EPHB1: variants seen among roughly 807,000 people sequenced by gnomAD.
The protein encoded by EPHB1 is EPH receptor B1.
In EPHB1, 30 loss-of-function variants were observed where a neutral mutation model predicts 94.4. The observed-to-expected ratio is 0.32, with a 90% CI of 0.24 to 0.43. The LOEUF is 0.43. EPHB1 is among the 20% of genes least tolerant of loss of function. The probability of loss-of-function intolerance (pLI) is 1.00; values close to 1 mark genes in which losing one functional copy is unlikely to be tolerated. For synonymous variants in EPHB1, 522 were observed against 489.1 expected (o/e 1.07, Z -0.89); for missense variants, 1,055 against 1,308.3 (o/e 0.81, Z 2.99).
At chr3:134,985,724 A>C (rs1246155904) in intron 3 of EPHB1, among the ~76,000 whole-genome samples, 2 of 152,082 alleles carry the variant, frequency 1.3e-5, no homozygotes, top group African/African-American at 4.8e-5. Flanking sequence ...ACCCTCACTA[A>C]ATATTAGCTA....
intron 3 of EPHB1, among the ~76,000 whole-genome samples, chr3:135,006,772 T>C (rs1019411112): frequency 3.3e-5 from 5 of 152,204 alleles, no homozygotes; most frequent in African/African-American, 1.2e-4. Context: ...GAAATGGGGT[T>C]ACAAAGTGGG....
intron 10 of EPHB1, among the ~76,000 whole-genome samples, chr3:135,183,016 TTTTCTTTTCTTTTCTTTCTTTCTTTC>T (rs1446504649): frequency 1.5e-4 from 11 of 74,568 alleles, no homozygotes; most frequent in African/African-American, 2.9e-4. Context: ...TTTTCTTTTC[TTTTCTTTTCTTTTCTTTCTTTCTTTC>T]TTTCTTTCTT....
chr3:134,956,442 A>G (rs1028860905), intron 3 of EPHB1, among the ~76,000 whole-genome samples: 24 of 152,076 alleles, frequency 1.6e-4, no homozygotes, highest in Non-Finnish European at 2.8e-4. Context: ...TCTCCCTGCC[A>G]TCCTCTCTTG....
intron 1 of EPHB1, among the ~76,000 whole-genome samples, chr3:134,876,697 G>A (rs995630421): frequency 8.5e-5 from 13 of 152,194 alleles, no homozygotes; most frequent in Admixed American, 5.9e-4. Flanking sequence ...GGTGATAGGT[G>A]AGGATGGCGC....
At chr3:135,035,010 A>G (rs1936602541) in intron 3 of EPHB1, among the ~76,000 whole-genome samples, 1 of 152,200 alleles carries the variant, frequency 6.6e-6, no homozygotes, top group South Asian at 2.1e-4. Flanking sequence ...CTCACATGCT[A>G]CCCAGGCTGG....
intron 2 of EPHB1, among the ~76,000 whole-genome samples, chr3:134,928,402 C>T (rs1049318509): frequency 2.6e-5 from 4 of 152,204 alleles, no homozygotes; most frequent in Admixed American, 6.5e-5. Flanking sequence ...TCTAGCCCCC[C>T]TTCAGCCATA....
chr3:134,840,368 G>A (rs987642877), intron 1 of EPHB1: 1 of 152,130 alleles, frequency 6.6e-6, no homozygotes, highest in Non-Finnish European at 1.5e-5. Flanking sequence ...CTAGATATAT[G>A]GGCATTGCCT....
chr3:135,155,706 C>T (rs1941330977), intron 6 of EPHB1, among the ~76,000 whole-genome samples: 2 of 137,640 alleles, frequency 1.5e-5, no homozygotes, highest in South Asian at 4.8e-4. Flanking sequence ...TAGAGAATCA[C>T]TTGAACCCAG....
chr3:134,862,160 C>T (rs1217881095), intron 1 of EPHB1, among the ~76,000 whole-genome samples: 2 of 152,134 alleles, frequency 1.3e-5, no homozygotes, highest in Admixed American at 6.5e-5. Context: ...GGCCCATGGG[C>T]AAAGCCTCCT....
At chr3:135,157,938 C>T (rs914746108) in intron 6 of EPHB1, among the ~76,000 whole-genome samples, 2 of 152,120 alleles carry the variant, frequency 1.3e-5, no homozygotes, top group African/African-American at 4.8e-5. Context: ...ATGACTTACC[C>T]ATAACAGCAC....
chr3:135,249,321 T>G lies in EPHB1; in HGVS notation c.2691-15T>G, dbSNP rs754129351. ...TCTGCAATGTGTGGTCACCTGCCCA[T>G]CTCTGTCTCACCAGGCCTTCCCAGC... On this transcript the variant is annotated splice_polypyrimidine_tract_variant and intron_variant, in intron 14 of 15. Coordinates refer to ENST00000398015, the MANE Select transcript of EPHB1 (RefSeq NM_004441.5). 1.6e-5 allele frequency: 25 copies of G among 1,604,670 alleles called. No individual in the cohort carries two copies. Among genetic ancestry groups the G allele is most frequent in the Non-Finnish European group, 2.0e-5 (24 of 1,175,958 alleles).
chr3:135,101,888 A>G (rs893346486), intron 3 of EPHB1, among the ~76,000 whole-genome samples: 1 of 152,196 alleles, frequency 6.6e-6, no homozygotes, highest in African/African-American at 2.4e-5. Flanking sequence ...GCACACAAGC[A>G]TAGCACAGAT....
intron 10 of EPHB1, among the ~76,000 whole-genome samples, chr3:135,183,286 T>TCCTTCCTTCCTA (rs1175747424): frequency 7.1e-6 from 1 of 141,170 alleles, no homozygotes; most frequent in African/African-American, 2.6e-5. Context: ...CTTCCTTCCT[T>TCCTTCCTTCCTA]CCTTCCTGGA....
intron 3 of EPHB1, among the ~76,000 whole-genome samples, chr3:134,994,397 A>G (rs1934921217): frequency 6.6e-6 from 1 of 152,158 alleles, no homozygotes; most frequent in Admixed American, 6.5e-5. Context: ...AGATACAGTC[A>G]TCACCCACTG....
rs114372035 is a variant in EPHB1, at chr3:134,798,376, G to A, written c.58+2687G>A. 6.5e-3 allele frequency among the ~76,000 whole-genome samples: 994 copies of A among 152,310 alleles called. 12 individuals are homozygous for A. The highest frequency in any genetic ancestry group is 0.022 in the African/African-American group (910 of 41,556). On this transcript the variant is annotated intron_variant, in intron 1 of 15. Coordinates refer to ENST00000398015, the MANE Select transcript of EPHB1 (RefSeq NM_004441.5). ...GGTCTGGTTGTTGGCCAGAGGGGCA[G>A]AGGAGGGGAGGGGAGGGGGCTCAAA... is the stretch of plus-strand genomic sequence containing the variant.
At chr3:134,999,962 A>G (rs1935123857) in intron 3 of EPHB1, among the ~76,000 whole-genome samples, 1 of 152,206 alleles carries the variant, frequency 6.6e-6, no homozygotes, top group Admixed American at 6.5e-5. Context: ...GATGTTAAGT[A>G]CATAGGCTGC....
intron 1 of EPHB1, among the ~76,000 whole-genome samples, chr3:134,829,748 C>A (rs1298985755): frequency 6.6e-6 from 1 of 152,088 alleles, no homozygotes; most frequent in African/African-American, 2.4e-5. Flanking sequence ...AAGATGAGGT[C>A]ATACTGGAAT....
chr3:134,807,552 GGGAGA>G (rs2036090847), intron 1 of EPHB1, among the ~76,000 whole-genome samples: 6 of 714 alleles, frequency 8.4e-3, no homozygotes, highest in Non-Finnish European at 0.025. Flanking sequence ...AGAGAGAGAG[GGGAGA>G]GAGAGAGAGA....
chr3:135,170,258 G>A (rs1941767600), intron 9 of EPHB1, among the ~76,000 whole-genome samples: 1 of 152,198 alleles, frequency 6.6e-6, no homozygotes, highest in Non-Finnish European at 1.5e-5. Context: ...TGACAGAAAT[G>A]TTTGCAAACA....
Sources: allele counts gnomAD v4.1 joint callset (sites outside exome capture counted in the v4.1 genomes callset), GRCh38; gene constraint gnomAD v4.1.1; transcripts MANE v1.5; gene names NCBI Gene and HGNC (gene_info 2026-07-23, HGNC 2026-07-21).